Variants in TENM3 observed in about 807,000 individuals in gnomAD.
The protein encoded by TENM3 is teneurin transmembrane protein 3, also known as teneurin-3.
In TENM3, 63 loss-of-function variants were observed where a neutral mutation model predicts 255.1. The ratio of observed to expected loss-of-function variants is 0.25; its 90% confidence interval spans 0.20 to 0.30. The LOEUF is 0.30. TENM3 is among the 10% of genes least tolerant of loss of function. The pLI is 1.00. For missense variants in TENM3, 2,929 were observed against 3,461.1 expected, an observed-to-expected ratio of 0.85 and a Z score of 3.86; for synonymous variants, 1,306 against 1,322.3, an observed-to-expected ratio of 0.99 and a Z score of 0.27.
the TENM3 span, among the ~76,000 whole-genome samples, chr4:181,505,056 G>T: frequency 2.6e-5 from 4 of 152,098 alleles, no homozygotes; most frequent in Non-Finnish European, 1.5e-5. Context: ...GCATAGCAGC[G>T]GTGCCTTGTG....
the TENM3 span, among the ~76,000 whole-genome samples, chr4:182,095,676 G>T: frequency 1.3e-5 from 2 of 152,094 alleles, no homozygotes; most frequent in African/African-American, 2.4e-5. Flanking sequence ...GATGACTGTA[G>T]TTAACAATTT....
intron 1 of TENM3, among the ~76,000 whole-genome samples, chr4:182,259,589 G>C (rs1430958865): frequency 1.3e-5 from 2 of 152,158 alleles, no homozygotes; most frequent in Non-Finnish European, 2.9e-5. Context: ...CTGGGAACAG[G>C]TGTAAGCCAC....
intron 12 of TENM3, among the ~76,000 whole-genome samples, chr4:182,690,559 G>A (rs1328462680): frequency 6.6e-6 from 1 of 152,152 alleles, no homozygotes; most frequent in Non-Finnish European, 1.5e-5. Context: ...GTTGAGTCTA[G>A]CTGAGGGAGA....
intron 1 of TENM3, among the ~76,000 whole-genome samples, chr4:182,254,730 T>C (rs73869904): frequency 0.012 from 1,857 of 152,300 alleles, 45 homozygotes; most frequent in African/African-American, 0.041. Flanking sequence ...TCTTGAACTT[T>C]TGGATGGCAG....
the TENM3 span, among the ~76,000 whole-genome samples, chr4:181,727,222 G>A: frequency 6.6e-6 from 1 of 152,154 alleles, no homozygotes; most frequent in Non-Finnish European, 1.5e-5. Flanking sequence ...TTGAGCAAAT[G>A]GCTGCTTCCC....
At chr4:181,949,767 C>T in the TENM3 span, among the ~76,000 whole-genome samples, 1 of 152,128 alleles carries the variant, frequency 6.6e-6, no homozygotes, top group Non-Finnish European at 1.5e-5. Context: ...TCTGAGTTCA[C>T]ACCCTCCACG....
the TENM3 span, among the ~76,000 whole-genome samples, chr4:182,115,245 T>A: frequency 6.6e-6 from 1 of 150,758 alleles, no homozygotes; most frequent in Non-Finnish European, 1.5e-5. Flanking sequence ...TTCCTCTATA[T>A]CTATATTTGG....
the TENM3 span, among the ~76,000 whole-genome samples, chr4:181,550,458 G>A: frequency 3.2e-3 from 489 of 152,266 alleles, 1 homozygote; most frequent in Middle Eastern, 6.8e-3. Flanking sequence ...CACATGCTCT[G>A]CAACCATCTT....
intron 1 of TENM3, among the ~76,000 whole-genome samples, chr4:182,250,461 T>A (rs1049915286): frequency 1.3e-5 from 2 of 152,200 alleles, no homozygotes; most frequent in Non-Finnish European, 2.9e-5. Flanking sequence ...ACAGAAAAGT[T>A]AAGTAACTTA....
the TENM3 span, among the ~76,000 whole-genome samples, chr4:182,052,464 G>C: frequency 4.6e-5 from 7 of 152,136 alleles, no homozygotes; most frequent in Non-Finnish European, 8.8e-5. Flanking sequence ...CAGAGGCATT[G>C]TTTCTCAAGG....
intron 16 of TENM3, among the ~76,000 whole-genome samples, chr4:182,735,057 A>G (rs746955022): frequency 6.6e-6 from 1 of 152,232 alleles, no homozygotes. Flanking sequence ...TTCACTGATT[A>G]TGGGAGAACA....
chr4:181,870,421 A>C, the TENM3 span, among the ~76,000 whole-genome samples: 1 of 152,116 alleles, frequency 6.6e-6, no homozygotes, highest in Non-Finnish European at 1.5e-5. Flanking sequence ...TTACACTCTC[A>C]CTAGAAATGG....
chr4:181,525,291 G>A, the TENM3 span, among the ~76,000 whole-genome samples: 1 of 151,402 alleles, frequency 6.6e-6, no homozygotes, highest in African/African-American at 2.4e-5. Flanking sequence ...GACACCTGTG[G>A]TCCAGCTATG....
At chr4:182,235,696 T>C (rs1352458171) in intron 1 of TENM3, among the ~76,000 whole-genome samples, 1 of 152,000 alleles carries the variant, frequency 6.6e-6, no homozygotes, top group Non-Finnish European at 1.5e-5. Flanking sequence ...CTGGAACTAC[T>C]GCACACACAC....
At chr4:182,082,430 A>G in the TENM3 span, among the ~76,000 whole-genome samples, 228 of 152,350 alleles carry the variant, frequency 1.5e-3, 2 homozygotes, top group African/African-American at 5.0e-3. Flanking sequence ...CATTCAGACC[A>G]TAGCAATAAT....
intron 3 of TENM3, among the ~76,000 whole-genome samples, chr4:182,426,238 AGTAATT>A (rs1771213411): frequency 6.6e-6 from 1 of 152,272 alleles, no homozygotes; most frequent in South Asian, 2.1e-4. Context: ...TACTTGAGAA[AGTAATT>A]GGTTGCGTGG....
chr4:182,705,102 A>G (rs563572874), intron 12 of TENM3, among the ~76,000 whole-genome samples: 7 of 152,328 alleles, frequency 4.6e-5, no homozygotes, highest in African/African-American at 1.4e-4. Flanking sequence ...CATCAAATCA[A>G]TGGGTGTGCA....
chr4:182,118,116 C>T, the TENM3 span, among the ~76,000 whole-genome samples: 4 of 151,952 alleles, frequency 2.6e-5, no homozygotes, highest in Non-Finnish European at 5.9e-5. Flanking sequence ...TGTAAACTTG[C>T]TATAATTATA....
In TENM3 at chr4:182,800,390, C is replaced by T. The variant is rs1278899149; in HGVS notation, c.*39C>T. Reference sequence around the variant, plus strand: ...CCCGCCGAGCCGCTCACGCCCTGCCCACATTGTCCTGTGGCACAACCCGAG... The same window carrying T: ...CCCGCCGAGCCGCTCACGCCCTGCCTACATTGTCCTGTGGCACAACCCGAG... On this transcript the variant is annotated 3_prime_UTR_variant, in exon 28 of 28. Transcript: ENST00000511685. The T allele has an allele frequency of 5.9e-6, 9 of 1,521,804 alleles. No homozygotes were observed. Among genetic ancestry groups the T allele is most frequent in the Admixed American group, 2.0e-5 (1 of 49,122 alleles). The allele number at this position is 1,521,804 out of a possible 1,614,324, so 94.3% of individuals were successfully genotyped here. A position where few individuals can be genotyped will look rare whatever the true frequency, so the allele number is the denominator to read the frequency against.
Sources: allele counts gnomAD v4.1 joint callset (sites outside exome capture counted in the v4.1 genomes callset), GRCh38; gene constraint gnomAD v4.1.1; transcripts MANE v1.5; gene names NCBI Gene and HGNC (gene_info 2026-07-23, HGNC 2026-07-21).